The following IGSF11 variants were observed in gnomAD, a reference collection of about 807,000 sequenced individuals.
The protein encoded by IGSF11 is immunoglobulin superfamily member 11.
In IGSF11, 22 loss-of-function variants were observed where a neutral mutation model predicts 41.0. The observed-to-expected ratio is 0.54, with a 90% confidence interval of 0.38 to 0.77. IGSF11 has a LOEUF of 0.77. Ranked by LOEUF, IGSF11 falls within the 30% of genes least tolerant of loss-of-function variation. The pLI is 0.00. For synonymous variants in IGSF11, 219 were observed against 201.3 expected (o/e 1.09, Z -0.74); for missense variants, 444 against 530.8 (o/e 0.84, Z 1.61).
intron 4 of IGSF11, among the ~76,000 whole-genome samples, chr3:118,906,432 A>G (rs1190516182): frequency 6.6e-6 from 1 of 152,178 alleles, no homozygotes; most frequent in African/African-American, 2.4e-5. Context: ...GGAGTCCCTG[A>G]GCCAAAGTCA....
rs1937161354 is a variant in IGSF11, at chr3:119,003,759, T to C, written c.52+30772A>G. Among the ~76,000 whole-genome samples, 3 of 152,020 alleles carry C rather than the reference T, an allele frequency of 2.0e-5. No homozygotes were observed. The South Asian group carries it at 6.3e-4, about 32-fold the overall frequency. On this transcript the variant is annotated intron_variant, in intron 1 of 6. Transcript: ENST00000393775. ...TCTTTGGCTCTCTTTATATGCTGGA[T>C]TACATTTATTGATTTGCGTATATTG...
intron 1 of IGSF11, among the ~76,000 whole-genome samples, chr3:118,971,676 C>T (rs1455157903): frequency 6.6e-6 from 1 of 151,826 alleles, no homozygotes; most frequent in Non-Finnish European, 1.5e-5. Context: ...TGGTGGCAGG[C>T]ACCTGTAATC....
At chr3:119,061,666 T>C (rs1304165132) in intron 1 of IGSF11, among the ~76,000 whole-genome samples, 2 of 152,170 alleles carry the variant, frequency 1.3e-5, no homozygotes, top group Non-Finnish European at 2.9e-5. Context: ...AAACTAACTA[T>C]ATATCAGCCT....
intron 1 of IGSF11, among the ~76,000 whole-genome samples, chr3:119,042,432 G>T (rs932011384): frequency 2.6e-5 from 4 of 152,200 alleles, no homozygotes; most frequent in Admixed American, 2.6e-4. Context: ...GGTTGCTGGG[G>T]CATGGCAGGA....
intron 1 of IGSF11, among the ~76,000 whole-genome samples, chr3:118,938,942 C>T (rs1176445912): frequency 6.6e-6 from 1 of 152,124 alleles, no homozygotes; most frequent in South Asian, 2.1e-4. Context: ...AAGAAGGAAA[C>T]ACTGACAGAA....
intron 1 of IGSF11, among the ~76,000 whole-genome samples, chr3:118,991,435 T>C (rs567831062): frequency 5.3e-5 from 8 of 152,356 alleles, no homozygotes; most frequent in Admixed American, 2.0e-4. Context: ...TACTGTATTC[T>C]AGTCATGAAC....
intron 1 of IGSF11, among the ~76,000 whole-genome samples, chr3:119,127,461 A>G (rs1260632745): frequency 1.3e-5 from 2 of 152,132 alleles, no homozygotes; most frequent in African/African-American, 4.8e-5. Context: ...TCAGCATATG[A>G]TCCAGGAAGA....
chr3:118,925,966 A>G, intron 4 of IGSF11, 135 bp downstream of exon 4: 1 of 524,916 alleles, frequency 1.9e-6, no homozygotes, highest in Admixed American at 3.8e-5. Flanking sequence ...AAATTTGAAA[A>G]CACAAAATGA....
chr3:119,037,143 G>A (rs1215576433), upstream of IGSF11, among the ~76,000 whole-genome samples: 1 of 152,154 alleles, frequency 6.6e-6, no homozygotes, highest in Admixed American at 6.5e-5. Context: ...TATTAGTAAT[G>A]ATGAGTTTCA....
At chr3:119,005,956 C>G (rs1937461196) in intron 1 of IGSF11, among the ~76,000 whole-genome samples, 1 of 137,550 alleles carries the variant, frequency 7.3e-6, no homozygotes, top group South Asian at 2.5e-4. Flanking sequence ...AGTTGTTCTT[C>G]TCGAGGAGTA....
At chr3:118,924,087 T>C (rs945308608) in intron 4 of IGSF11, among the ~76,000 whole-genome samples, 3 of 152,094 alleles carry the variant, frequency 2.0e-5, no homozygotes, top group Admixed American at 6.6e-5. Context: ...CATCATACTG[T>C]GAAAAAAAAC....
chr3:119,073,636 C>T (rs1048983768), intron 1 of IGSF11, among the ~76,000 whole-genome samples: 2 of 152,212 alleles, frequency 1.3e-5, no homozygotes, highest in Non-Finnish European at 2.9e-5. Context: ...TCTGCAGTTG[C>T]TGGCCCAGGT....
At chr3:119,135,960 A>G (rs1200992778) in intron 1 of IGSF11, among the ~76,000 whole-genome samples, 1 of 152,230 alleles carries the variant, frequency 6.6e-6, no homozygotes, top group Admixed American at 6.5e-5. Flanking sequence ...AACTATCACA[A>G]GGACAGAAAA....
chr3:118,974,129 AG>A (rs1192830473), intron 1 of IGSF11, among the ~76,000 whole-genome samples: 1 of 152,072 alleles, frequency 6.6e-6, no homozygotes, highest in African/African-American at 2.4e-5. Flanking sequence ...AAAAAAAAAA[AG>A]AAAAGAAAAT....
At chr3:118,938,157 C>T (rs1191875379) in intron 1 of IGSF11, among the ~76,000 whole-genome samples, 2 of 152,112 alleles carry the variant, frequency 1.3e-5, no homozygotes, top group Non-Finnish European at 2.9e-5. Flanking sequence ...AGCATTAACT[C>T]AGCAGTATCT....
chr3:119,109,711 T>C (rs2077110229), upstream of IGSF11, among the ~76,000 whole-genome samples: 1 of 152,340 alleles, frequency 6.6e-6, no homozygotes, highest in Non-Finnish European at 1.5e-5. Flanking sequence ...TTTCCTGCTT[T>C]CTCTTGTGGG....
chr3:118,931,640 G>T (rs904812160), intron 1 of IGSF11, among the ~76,000 whole-genome samples: 3 of 152,090 alleles, frequency 2.0e-5, no homozygotes, highest in Admixed American at 1.3e-4. Flanking sequence ...GGATACACAG[G>T]CATAGGGACT....
At chr3:119,069,900 C>T (rs1369711598) in intron 1 of IGSF11, among the ~76,000 whole-genome samples, 1 of 152,136 alleles carries the variant, frequency 6.6e-6, no homozygotes, top group Admixed American at 6.5e-5. Context: ...CTAAAACTCC[C>T]ATATAGCAAT....
intron 1 of IGSF11, chr3:119,112,771 C>G (rs1210705228): frequency 6.6e-6 from 1 of 152,488 alleles, no homozygotes; most frequent in African/African-American, 2.4e-5. Context: ...TTTTCTTTAT[C>G]CATTCATCTG....
Sources: gnomAD v4.1 joint callset for allele counts (sites outside exome capture counted in the v4.1 genomes callset) on GRCh38, gnomAD v4.1.1 for gene constraint, MANE v1.5 for transcripts, NCBI Gene and HGNC (gene_info 2026-07-23, HGNC 2026-07-21) for gene names.